The following RABGAP1L variants were observed in gnomAD, a reference collection of about 807,000 sequenced individuals.
RABGAP1L encodes rab GTPase-activating protein 1-like.
A neutral mutation model predicts 137.7 loss-of-function variants in RABGAP1L; 63 were observed. That is an observed-to-expected ratio of 0.46 (90% CI 0.37 to 0.56). RABGAP1L has a LOEUF of 0.56. Ranked by LOEUF, RABGAP1L falls within the 20% of genes least tolerant of loss-of-function variation. The pLI is 0.00. For missense variants in RABGAP1L, 1,095 were observed against 1,244.0 expected (o/e 0.88, Z 1.80); for synonymous variants, 431 against 433.7 (o/e 0.99, Z 0.08).
intron 19 of RABGAP1L, chr1:174,877,662 C>G (rs999549062): frequency 1.3e-6 from 2 of 1,539,664 alleles, no homozygotes; most frequent in Non-Finnish European, 1.8e-6. Context: ...AACATGATAT[C>G]TATACTCCTG....
At chr1:174,636,369 C>G (rs544233948) in intron 13 of RABGAP1L, among the ~76,000 whole-genome samples, 2 of 151,862 alleles carry the variant, frequency 1.3e-5, no homozygotes, top group East Asian at 3.9e-4. Context: ...AATACACACA[C>G]ACAAAAAAAA....
At chr1:174,460,606 A>C (rs1288724991) in intron 13 of RABGAP1L, among the ~76,000 whole-genome samples, 3 of 152,114 alleles carry the variant, frequency 2.0e-5, no homozygotes, top group Non-Finnish European at 4.4e-5. Flanking sequence ...AAGGTATTTT[A>C]AGATTATTTA....
intron 13 of RABGAP1L, among the ~76,000 whole-genome samples, chr1:174,590,048 G>A (rs1183262464): frequency 6.7e-6 from 1 of 149,828 alleles, no homozygotes; most frequent in Non-Finnish European, 1.5e-5. Flanking sequence ...CATTGCTTTG[G>A]ACATTTTAAC....
chr1:174,625,602 A>T (rs10912823), intron 13 of RABGAP1L, among the ~76,000 whole-genome samples: 5 of 151,986 alleles, frequency 3.3e-5, no homozygotes, highest in African/African-American at 1.2e-4. Context: ...CTGGCCTTAC[A>T]GTCACTTTTT....
At chr1:174,699,498 A>G (rs1161983603) in intron 15 of RABGAP1L, 27 bp from the exon 16 acceptor site, 1 of 1,586,958 alleles carries the variant, frequency 6.3e-7, no homozygotes, top group South Asian at 1.2e-5. Context: ...ACTTATTTAT[A>G]TTGTATATGT....
intron 13 of RABGAP1L, among the ~76,000 whole-genome samples, chr1:174,470,069 T>C (rs1416417886): frequency 6.6e-6 from 1 of 152,168 alleles, no homozygotes; most frequent in Non-Finnish European, 1.5e-5. Flanking sequence ...TCAAATCCTC[T>C]CTACAGCCAT....
At chr1:174,432,663 G>A (rs1652781471) in intron 13 of RABGAP1L, among the ~76,000 whole-genome samples, 1 of 152,098 alleles carries the variant, frequency 6.6e-6, no homozygotes. Flanking sequence ...TCAGCCTCCT[G>A]AGTAGCTGGG....
chr1:174,280,079 G>GAA (rs1675380988), intron 10 of RABGAP1L, among the ~76,000 whole-genome samples: 1 of 150,868 alleles, frequency 6.6e-6, no homozygotes, highest in Non-Finnish European at 1.5e-5. Context: ...GAGAGAGAGA[G>GAA]AGAGAGAGAG....
intron 18 of RABGAP1L, among the ~76,000 whole-genome samples, chr1:174,797,701 TGTGTGGG>T (rs1436534539): frequency 7.2e-6 from 1 of 138,358 alleles, no homozygotes; most frequent in South Asian, 2.4e-4. Context: ...TGTGTGTGTG[TGTGTGGG>T]GTGTGGTGTG....
intron 19 of RABGAP1L, among the ~76,000 whole-genome samples, chr1:174,925,368 A>AG (rs1322482297): frequency 6.7e-6 from 1 of 149,100 alleles, no homozygotes; most frequent in Admixed American, 6.6e-5. Context: ...AAAAAAAAAA[A>AG]AAAAAAAAAA....
intron 14 of RABGAP1L, among the ~76,000 whole-genome samples, chr1:174,681,511 A>C (rs332770): frequency 0.58 from 88,303 of 152,064 alleles, 27,958 homozygotes; most frequent in African/African-American, 0.85. Flanking sequence ...TTTTTAAATG[A>C]AAAACTAATA....
intron 12 of RABGAP1L, among the ~76,000 whole-genome samples, chr1:174,371,773 C>T: frequency 6.6e-6 from 1 of 151,982 alleles, no homozygotes; most frequent in Non-Finnish European, 1.5e-5. Flanking sequence ...GCGGGTAGTC[C>T]AGGGGAGACT....
intron 18 of RABGAP1L, among the ~76,000 whole-genome samples, chr1:174,802,145 C>G (rs1463572238): frequency 2.0e-5 from 3 of 152,170 alleles, no homozygotes; most frequent in African/African-American, 7.2e-5. Context: ...GGTTCTCAAG[C>G]TTGAGCTCTT....
chr1:174,509,496 C>T (rs1181769466), intron 13 of RABGAP1L, among the ~76,000 whole-genome samples: 5 of 151,904 alleles, frequency 3.3e-5, no homozygotes, highest in African/African-American at 7.3e-5. Flanking sequence ...GTTCTTAGCT[C>T]TCTGACAAAG....
At chr1:174,432,698 C>A (rs1652788464) in intron 13 of RABGAP1L, among the ~76,000 whole-genome samples, 1 of 152,104 alleles carries the variant, frequency 6.6e-6, no homozygotes. Flanking sequence ...CCTCCATGCC[C>A]AGCTAATTTT....
chr1:174,776,382 A>T (rs1385215284), intron 18 of RABGAP1L, among the ~76,000 whole-genome samples: 2 of 149,848 alleles, frequency 1.3e-5, no homozygotes, highest in African/African-American at 4.9e-5. Context: ...CTCAAAAAAT[A>T]AAAAAAAAAT....
chr1:174,251,031 C>A (rs992679316), intron 6 of RABGAP1L, among the ~76,000 whole-genome samples: 3 of 152,240 alleles, frequency 2.0e-5, no homozygotes, highest in African/African-American at 7.2e-5. Flanking sequence ...GAACTCCTGA[C>A]CTCAGGTGAT....
At chr1:174,736,637 G>A (rs1013901542) in intron 17 of RABGAP1L, among the ~76,000 whole-genome samples, 1 of 152,242 alleles carries the variant, frequency 6.6e-6, no homozygotes, top group Non-Finnish European at 1.5e-5. Context: ...CCTAGTAGAG[G>A]TTCTCTGTGC....
chr1:174,544,858 G>C (rs758198702), intron 13 of RABGAP1L: 26 of 187,738 alleles, frequency 1.4e-4, no homozygotes, highest in Non-Finnish European at 2.6e-4. Flanking sequence ...GTTGGAGTTT[G>C]CTGGAGGTCC....
Sources: gnomAD v4.1 joint callset for allele counts (sites outside exome capture counted in the v4.1 genomes callset) on GRCh38, gnomAD v4.1.1 for gene constraint, MANE v1.5 for transcripts, NCBI Gene and HGNC (gene_info 2026-07-23, HGNC 2026-07-21) for gene names.